The following MAGI1 variants were observed in gnomAD, a reference collection of about 807,000 sequenced individuals.
The protein encoded by MAGI1 is membrane associated guanylate kinase, WW and PDZ domain containing 1.
Under a neutral mutation model 139.9 loss-of-function variants are expected in MAGI1, and 58 were observed. The observed-to-expected ratio is 0.41, with a 90% CI of 0.34 to 0.52. MAGI1 has a LOEUF of 0.52. Ranked by LOEUF, MAGI1 falls within the 20% of genes least tolerant of loss-of-function variation. The pLI is 0.12. For missense variants in MAGI1, 1,874 were observed against 1,901.6 expected (o/e 0.99, Z 0.27); for synonymous variants, 812 against 737.9 (o/e 1.10, Z -1.63).
At chr3:65,732,889 G>A (rs1030164472) in intron 1 of MAGI1, among the ~76,000 whole-genome samples, 1 of 152,182 alleles carries the variant, frequency 6.6e-6, no homozygotes, top group Non-Finnish European at 1.5e-5. Flanking sequence ...AAACTCAAAT[G>A]AGAAAAATGA....
intron 1 of MAGI1, among the ~76,000 whole-genome samples, chr3:65,980,035 C>A (rs2065486248): frequency 6.6e-6 from 1 of 152,172 alleles, no homozygotes; most frequent in South Asian, 2.1e-4. Flanking sequence ...TGTCCCTGGG[C>A]AACCGACACA....
At chr3:65,791,006 CGGAGG>C (rs1468734129) in intron 1 of MAGI1, among the ~76,000 whole-genome samples, 1 of 152,014 alleles carries the variant, frequency 6.6e-6, no homozygotes, top group Non-Finnish European at 1.5e-5. Flanking sequence ...GCCCAGGAAG[CGGAGG>C]TTGCAGTAAG....
chr3:65,650,950 C>T (rs1331011367), intron 1 of MAGI1, among the ~76,000 whole-genome samples: 2 of 152,024 alleles, frequency 1.3e-5, no homozygotes, highest in African/African-American at 4.8e-5. Flanking sequence ...CTGAAAAATG[C>T]ATATTTTTAG....
At chr3:65,636,932 G>A (rs79268863) in intron 1 of MAGI1, among the ~76,000 whole-genome samples, 1 of 152,132 alleles carries the variant, frequency 6.6e-6, no homozygotes, top group African/African-American at 2.4e-5. Flanking sequence ...CAGCACAAAG[G>A]CTTCAATATA....
intron 5 of MAGI1, among the ~76,000 whole-genome samples, chr3:65,468,843 G>A (rs1950352345): frequency 6.6e-6 from 1 of 151,866 alleles, no homozygotes; most frequent in South Asian, 2.1e-4. Context: ...GGCTGAGGCA[G>A]GAGGATCACT....
intron 1 of MAGI1, 26 bp from the exon 2 acceptor site, chr3:65,622,114 T>C (rs2083703887): frequency 2.0e-6 from 3 of 1,492,248 alleles, no homozygotes; most frequent in Admixed American, 3.3e-5. Context: ...AAAATAGACA[T>C]ACCACATCAA....
intron 1 of MAGI1, among the ~76,000 whole-genome samples, chr3:66,022,557 G>A (rs560484754): frequency 9.9e-4 from 150 of 152,258 alleles, no homozygotes; most frequent in Middle Eastern, 3.4e-3. Flanking sequence ...GTAGGTATCC[G>A]AAACAACAGT....
At chr3:65,992,664 G>C (rs1003581323) in intron 1 of MAGI1, among the ~76,000 whole-genome samples, 8 of 152,170 alleles carry the variant, frequency 5.3e-5, no homozygotes, top group African/African-American at 1.9e-4. Context: ...CGGGAGATGT[G>C]AAAGCTGCTA....
intron 1 of MAGI1, among the ~76,000 whole-genome samples, chr3:65,671,046 G>A (rs556892878): frequency 6.6e-6 from 1 of 152,264 alleles, no homozygotes; most frequent in East Asian, 1.9e-4. Flanking sequence ...TGCTTATTGA[G>A]AATGTAGAAT....
At chr3:65,558,717 G>A (rs940444832) in intron 2 of MAGI1, among the ~76,000 whole-genome samples, 3 of 151,994 alleles carry the variant, frequency 2.0e-5, no homozygotes, top group African/African-American at 7.3e-5. Flanking sequence ...GCAGATTTGG[G>A]ACCCCATCCT....
intron 1 of MAGI1, among the ~76,000 whole-genome samples, chr3:65,720,503 C>G (rs1027181008): frequency 2.0e-5 from 3 of 152,136 alleles, no homozygotes; most frequent in African/African-American, 7.2e-5. Flanking sequence ...TCAGTCCCAT[C>G]CCCTAACCAA....
intron 2 of MAGI1, among the ~76,000 whole-genome samples, chr3:65,605,561 G>A (rs2082697589): frequency 6.6e-6 from 1 of 152,116 alleles, no homozygotes; most frequent in Non-Finnish European, 1.5e-5. Context: ...CTAACAGTTG[G>A]CAATAAAAGA....
chr3:65,560,273 C>T (rs1430544690), intron 2 of MAGI1, among the ~76,000 whole-genome samples: 1 of 152,082 alleles, frequency 6.6e-6, no homozygotes, highest in Non-Finnish European at 1.5e-5. Flanking sequence ...TTAAAAGCGT[C>T]CATTATGATG....
At chr3:65,542,563 C>G (rs1253438620) in intron 2 of MAGI1, among the ~76,000 whole-genome samples, 1 of 152,020 alleles carries the variant, frequency 6.6e-6, no homozygotes, top group Admixed American at 6.6e-5. Flanking sequence ...ATACATAAAC[C>G]AATGGAACAG....
chr3:65,815,115 A>G (rs1296349786), intron 1 of MAGI1, among the ~76,000 whole-genome samples: 1 of 152,168 alleles, frequency 6.6e-6, no homozygotes, highest in Admixed American at 6.6e-5. Flanking sequence ...CAGCATTCGT[A>G]TCTGCTCTCT....
At chr3:65,814,189 G>GTGTC (rs2041459004) in intron 1 of MAGI1, among the ~76,000 whole-genome samples, 1 of 152,038 alleles carries the variant, frequency 6.6e-6, no homozygotes, top group Non-Finnish European at 1.5e-5. Flanking sequence ...CAGACACAGG[G>GTGTC]TGTCTCATCA....
At chr3:65,420,111 A>G (rs1946536719) in intron 12 of MAGI1, among the ~76,000 whole-genome samples, 1 of 151,810 alleles carries the variant, frequency 6.6e-6, no homozygotes, top group Non-Finnish European at 1.5e-5. Flanking sequence ...CATTCTTCAT[A>G]TATATGCCAC....
intron 2 of MAGI1, among the ~76,000 whole-genome samples, chr3:65,613,456 C>T (rs550912782): frequency 5.9e-5 from 9 of 152,298 alleles, no homozygotes; most frequent in African/African-American, 2.2e-4. Context: ...CCCTTTTCTA[C>T]ATCCCTGAGA....
intron 4 of MAGI1, among the ~76,000 whole-genome samples, chr3:65,471,246 A>C (rs1374634745): frequency 6.6e-6 from 1 of 152,162 alleles, no homozygotes; most frequent in Non-Finnish European, 1.5e-5. Flanking sequence ...ATGTCATCAA[A>C]GTATCCCCGA....
Sources: allele counts gnomAD v4.1 joint callset (sites outside exome capture counted in the v4.1 genomes callset), GRCh38; gene constraint gnomAD v4.1.1; transcripts MANE v1.5; gene names NCBI Gene and HGNC (gene_info 2026-07-23, HGNC 2026-07-21).